Variants in SYNDIG1 observed in about 807,000 individuals in gnomAD.
The protein encoded by SYNDIG1 is synapse differentiation-inducing gene protein 1.
A neutral mutation model predicts 19.4 loss-of-function variants in SYNDIG1; 9 were observed. The ratio of observed to expected loss-of-function variants is 0.46; its 90% CI spans 0.28 to 0.81. The LOEUF is 0.81. Ranked by LOEUF, SYNDIG1 falls within the 30% of genes least tolerant of loss-of-function variation. The pLI is 0.12. For missense variants in SYNDIG1, 311 were observed against 343.3 expected, an observed-to-expected ratio of 0.91 and a Z score of 0.74; for synonymous variants, 141 against 145.9, an observed-to-expected ratio of 0.97 and a Z score of 0.24.
chr20:24,512,907 G>A (rs1262388395), intron 1 of SYNDIG1, among the ~76,000 whole-genome samples: 3 of 152,126 alleles, frequency 2.0e-5, no homozygotes, highest in East Asian at 1.9e-4. Context: ...TCACATGGCC[G>A]GGTACCCCTC....
intron 1 of SYNDIG1, among the ~76,000 whole-genome samples, chr20:24,473,609 G>C (rs750096886): frequency 3.9e-5 from 6 of 152,232 alleles, no homozygotes; most frequent in Middle Eastern, 3.4e-3. Context: ...CACGGGGAGT[G>C]GGGGAGGGAC....
At chr20:24,524,159 G>A (rs1264019500) in intron 1 of SYNDIG1, among the ~76,000 whole-genome samples, 4 of 152,046 alleles carry the variant, frequency 2.6e-5, no homozygotes, top group South Asian at 4.2e-4. Flanking sequence ...GGTTTTTCTC[G>A]CAACTTCGAA....
intron 3 of SYNDIG1, among the ~76,000 whole-genome samples, chr20:24,621,467 A>C (rs961978246): frequency 6.6e-6 from 1 of 152,170 alleles, no homozygotes; most frequent in Non-Finnish European, 1.5e-5. Flanking sequence ...CTAAGTTTAC[A>C]CTCTGCTTAT....
intron 1 of SYNDIG1, among the ~76,000 whole-genome samples, chr20:24,472,337 G>T (rs2055492961): frequency 6.6e-6 from 1 of 152,202 alleles, no homozygotes; most frequent in Non-Finnish European, 1.5e-5. Flanking sequence ...TGATAGGCAA[G>T]AGAATTTTTT....
At chr20:24,625,201 T>C (rs1003872644) in intron 3 of SYNDIG1, among the ~76,000 whole-genome samples, 4 of 152,090 alleles carry the variant, frequency 2.6e-5, no homozygotes, top group Admixed American at 6.6e-5. Context: ...AATAACATTA[T>C]AAACGGGAAA....
intron 2 of SYNDIG1, among the ~76,000 whole-genome samples, chr20:24,557,862 C>A (rs1485773524): frequency 2.6e-5 from 4 of 152,192 alleles, no homozygotes. Context: ...CAGAAATCAC[C>A]CGTCTTCTGC....
In SYNDIG1 at chr20:24,501,055, A is replaced by G. The variant is rs184212140; in HGVS notation, c.-79+31302A>G. Among the ~76,000 whole-genome samples, 350 of 152,322 alleles carry G rather than the reference A, an allele frequency of 2.3e-3. 4 individuals carry two copies. The highest frequency in any genetic ancestry group is 7.8e-4 in the Non-Finnish European group (53 of 68,028). Reference sequence around the variant, plus strand: ...GATATTTCCTCAAACTGGCAAGCATACTAAAATAATTTGAAGCTTTTAGGA... The same window carrying G: ...GATATTTCCTCAAACTGGCAAGCATGCTAAAATAATTTGAAGCTTTTAGGA... On this transcript the variant is annotated intron_variant, in intron 1 of 3. Transcript: ENST00000376862.
intron 1 of SYNDIG1, among the ~76,000 whole-genome samples, chr20:24,482,521 T>C (rs2055828228): frequency 6.6e-6 from 1 of 152,188 alleles, no homozygotes; most frequent in Non-Finnish European, 1.5e-5. Flanking sequence ...TCTCTTGTCT[T>C]GAAAGTTTCA....
At chr20:24,559,856 C>T (rs532655321) in intron 2 of SYNDIG1, among the ~76,000 whole-genome samples, 18 of 151,288 alleles carry the variant, frequency 1.2e-4, no homozygotes, top group South Asian at 8.4e-4. Flanking sequence ...ATTTCCTGTT[C>T]GGGACAAGTC....
chr20:24,478,664 C>T (rs2055704238), intron 1 of SYNDIG1, among the ~76,000 whole-genome samples: 1 of 152,210 alleles, frequency 6.6e-6, no homozygotes, highest in South Asian at 2.1e-4. Context: ...AGGTAGAACA[C>T]AATGTGATGA....
In SYNDIG1 at chr20:24,626,158, C is replaced by A. The variant is rs545622573; in HGVS notation, c.619-39188C>A. Among the ~76,000 whole-genome samples, 303 of 148,634 alleles carry A rather than the reference C, an allele frequency of 2.0e-3. 2 individuals are homozygous for A. The highest frequency in any genetic ancestry group is 7.3e-3 in the African/African-American group (291 of 39,720). On this transcript the variant is annotated intron_variant, in intron 3 of 3. Coordinates refer to ENST00000376862, the MANE Select transcript of SYNDIG1 (RefSeq NM_024893.3). ...TCACCTCCCGGACGGGGCGGCTGGC[C>A]GGGCAGGGGGCTGACCCCCCACCTC...
rs1026395770 is a variant in SYNDIG1 at position 24,658,012 on chromosome 20, C to G, written c.619-7334C>G. On this transcript the variant is annotated intron_variant, in intron 3 of 3. Transcript: ENST00000376862. This position sits in a 1 kb window ranked among gnomAD's most constrained non-coding sequence, Gnocchi z 4.4. ...AGGCAGGTGTCTGGCGAGGGCATAA[C>G]TGCTGAGGACCCCCAGCTGTGCTGG... Among the ~76,000 whole-genome samples, 2 of 152,186 alleles carry G rather than the reference C, an allele frequency of 1.3e-5. No homozygotes were observed. The highest frequency in any genetic ancestry group is 6.5e-5 in the Admixed American group (1 of 15,280).
At chr20:24,537,912 T>C (rs144677144) in intron 1 of SYNDIG1, among the ~76,000 whole-genome samples, 1 of 151,928 alleles carries the variant, frequency 6.6e-6, no homozygotes, top group African/African-American at 2.4e-5. Context: ...CCAATTGAGA[T>C]GATCAGTGGT....
chr20:24,642,447 C>T (rs773112786), intron 3 of SYNDIG1, among the ~76,000 whole-genome samples: 8 of 152,182 alleles, frequency 5.3e-5, no homozygotes, highest in Non-Finnish European at 1.2e-4. Context: ...GCACAGCCCA[C>T]ACTCGAAGGG....
chr20:24,477,328 C>G (rs1568568117), intron 1 of SYNDIG1, among the ~76,000 whole-genome samples: 1 of 147,998 alleles, frequency 6.8e-6, no homozygotes, highest in Non-Finnish European at 1.5e-5. Context: ...CTCAAACACA[C>G]TGTTTTGTTT....
chr20:24,557,160 C>G (rs1213579555), intron 2 of SYNDIG1, among the ~76,000 whole-genome samples: 1 of 152,184 alleles, frequency 6.6e-6, no homozygotes, highest in East Asian at 1.9e-4. Context: ...GCTCCATCAG[C>G]TCCTTTAAGG....
intron 3 of SYNDIG1, among the ~76,000 whole-genome samples, chr20:24,615,518 G>A (rs906337900): frequency 6.6e-6 from 1 of 152,170 alleles, no homozygotes; most frequent in Non-Finnish European, 1.5e-5. Flanking sequence ...GAGCCTGGGA[G>A]CACAAGGAAC....
intron 3 of SYNDIG1, among the ~76,000 whole-genome samples, chr20:24,628,027 C>T (rs1212574358): frequency 1.3e-5 from 2 of 152,142 alleles, no homozygotes; most frequent in East Asian, 1.9e-4. Context: ...TTTGATTGTT[C>T]GTACTTATGG....
At chr20:24,470,913 TC>T (rs1357095864) in intron 1 of SYNDIG1, among the ~76,000 whole-genome samples, 1 of 151,288 alleles carries the variant, frequency 6.6e-6, no homozygotes, top group Non-Finnish European at 1.5e-5. Flanking sequence ...CCTGGCCACG[TC>T]CTGGTGTTTA....
Sources: allele counts gnomAD v4.1 joint callset (sites outside exome capture counted in the v4.1 genomes callset), GRCh38; gene constraint gnomAD v4.1.1; non-coding constraint Gnocchi (gnomAD v3.1); transcripts MANE v1.5; gene names NCBI Gene and HGNC (gene_info 2026-07-23, HGNC 2026-07-21).